The following AR variants were observed in gnomAD, a reference collection of about 807,000 sequenced individuals.
AR encodes androgen receptor, also known as dihydrotestosterone receptor.
A neutral mutation model predicts 53.9 loss-of-function variants in AR; 8 were observed. The ratio of observed to expected loss-of-function variants is 0.15; its 90% CI spans 0.09 to 0.27. AR has a LOEUF of 0.27. Ranked by LOEUF, AR falls within the 10% of genes least tolerant of loss-of-function variation. AR has a pLI of 1.00. For missense variants in AR, 639 were observed against 742.5 expected, an observed-to-expected ratio of 0.86 and a Z score of 1.62; for synonymous variants, 359 against 316.4, an observed-to-expected ratio of 1.13 and a Z score of -1.43.
chrX:67,678,757 T>C (rs1490826619), intron 2 of AR, among the ~76,000 whole-genome samples: 1 of 111,581 alleles, frequency 9.0e-6, no homozygotes, highest in African/African-American at 3.3e-5. Context: ...ATTTTCTTTA[T>C]CCACTTATCC....
intron 4 of AR, among the ~76,000 whole-genome samples, chrX:67,716,463 C>T (rs1359829337): frequency 8.9e-6 from 1 of 111,738 alleles, no homozygotes. Context: ...AAAGTAACTG[C>T]CTGTGCAGAG....
chrX:67,653,118 C>G (rs947834076), intron 2 of AR, among the ~76,000 whole-genome samples: 8 of 111,806 alleles, frequency 7.2e-5, no homozygotes, highest in African/African-American at 2.6e-4. Context: ...TACATGAGAC[C>G]TATACCGGGC....
At chrX:67,682,894 T>C (rs1340062272) in intron 2 of AR, among the ~76,000 whole-genome samples, 2 of 111,943 alleles carry the variant, frequency 1.8e-5, no homozygotes, top group African/African-American at 6.5e-5. Flanking sequence ...AAAGATTCCT[T>C]TCATATCCAT....
intron 3 of AR, among the ~76,000 whole-genome samples, chrX:67,706,353 A>T (rs775037682): frequency 8.9e-6 from 1 of 111,795 alleles, no homozygotes; most frequent in Non-Finnish European, 1.9e-5. Flanking sequence ...AAGAGATTCA[A>T]CTTCCTCCTA....
intron 1 of AR, among the ~76,000 whole-genome samples, chrX:67,557,208 C>T (rs762016598): frequency 9.3e-4 from 103 of 110,979 alleles, no homozygotes; most frequent in African/African-American, 3.0e-3. Context: ...GTGTCTCAGA[C>T]TAAGGTGGTA....
intron 2 of AR, among the ~76,000 whole-genome samples, chrX:67,681,226 G>A (rs2075931994): frequency 9.0e-6 from 1 of 111,390 alleles, no homozygotes; most frequent in South Asian, 3.8e-4. Context: ...TATAATGTTT[G>A]TAATATCTGA....
At chrX:67,682,731 A>C (rs1376765938) in intron 2 of AR, among the ~76,000 whole-genome samples, 2 of 112,070 alleles carry the variant, frequency 1.8e-5, no homozygotes, top group Non-Finnish European at 3.8e-5. Context: ...CAATGATTTT[A>C]CCTTGGCTCT....
chrX:67,655,048 A>G (rs1926523264), intron 2 of AR, among the ~76,000 whole-genome samples: 1 of 107,111 alleles, frequency 9.3e-6, no homozygotes, highest in Admixed American at 1.0e-4. Context: ...CCATAGGTTA[A>G]CTTTACATCC....
chrX:67,669,393 G>A (rs759376990), intron 2 of AR, among the ~76,000 whole-genome samples: 1 of 111,334 alleles, frequency 9.0e-6, no homozygotes, highest in South Asian at 3.7e-4. Flanking sequence ...ATTCCATTGT[G>A]GTCAGAGAAG....
At chrX:67,668,761 G>T (rs1367342640) in intron 2 of AR, among the ~76,000 whole-genome samples, 1 of 111,034 alleles carries the variant, frequency 9.0e-6, no homozygotes, top group African/African-American at 3.3e-5. Context: ...TCAGGCTTTA[G>T]ATTTTTTTCA....
At chrX:67,662,148 G>C (rs1489725888) in intron 2 of AR, among the ~76,000 whole-genome samples, 1 of 111,337 alleles carries the variant, frequency 9.0e-6, no homozygotes, top group Non-Finnish European at 1.9e-5. Context: ...ACCAGTTCCT[G>C]GATTCATTGA....
chrX:67,702,279 G>A (rs185677878), intron 3 of AR, among the ~76,000 whole-genome samples: 2 of 111,823 alleles, frequency 1.8e-5, no homozygotes, highest in East Asian at 5.7e-4. Flanking sequence ...CAACTCCCGA[G>A]CTCAAAGCTA....
chrX:67,560,395 C>G (rs986920779), intron 1 of AR, among the ~76,000 whole-genome samples: 1 of 111,711 alleles, frequency 9.0e-6, no homozygotes, highest in African/African-American at 3.3e-5. Flanking sequence ...TGTATTTGTG[C>G]CACCAGATCT....
At chrX:67,673,594 T>A (rs1396542646) in intron 2 of AR, among the ~76,000 whole-genome samples, 1 of 110,065 alleles carries the variant, frequency 9.1e-6, no homozygotes, top group East Asian at 2.8e-4. Context: ...CTTCAGTGTG[T>A]CAGTTGCATT....
intron 1 of AR, among the ~76,000 whole-genome samples, chrX:67,565,869 T>C (rs1921535954): frequency 9.0e-6 from 1 of 111,470 alleles, no homozygotes; most frequent in African/African-American, 3.3e-5. Flanking sequence ...ATTTTTGTAT[T>C]TTTAGTAGAG....
chrX:67,550,436 C>T (rs751263868), intron 1 of AR, among the ~76,000 whole-genome samples: 5 of 110,510 alleles, frequency 4.5e-5, no homozygotes, highest in African/African-American at 6.6e-5. Context: ...TCTCCTTATG[C>T]GTATATGCAC....
At chrX:67,553,864 T>C (rs1310396920) in intron 1 of AR, among the ~76,000 whole-genome samples, 2 of 112,370 alleles carry the variant, frequency 1.8e-5, no homozygotes, top group Non-Finnish European at 3.8e-5. Flanking sequence ...TGTATGGAAA[T>C]ATAATTGTTT....
chrX:67,686,355 C>T (rs988440510), intron 3 of AR, among the ~76,000 whole-genome samples: 3 of 111,286 alleles, frequency 2.7e-5, no homozygotes, highest in African/African-American at 3.3e-5. Context: ...TTAGAGCAGG[C>T]GGTGTGAAGC....
intron 1 of AR, among the ~76,000 whole-genome samples, chrX:67,601,123 C>G (rs185290420): frequency 8.9e-6 from 1 of 112,011 alleles, no homozygotes; most frequent in Admixed American, 9.5e-5. Flanking sequence ...AACTTGTTGA[C>G]AGCACATGTG....
Sources: allele counts gnomAD v4.1 joint callset (sites outside exome capture counted in the v4.1 genomes callset), GRCh38; gene constraint gnomAD v4.1.1; transcripts MANE v1.5; gene names NCBI Gene and HGNC (gene_info 2026-07-23, HGNC 2026-07-21).